Variants in TMEM108 observed in about 807,000 individuals in gnomAD.
TMEM108 encodes the protein transmembrane protein 108.
In TMEM108, 12 loss-of-function variants were observed where a neutral mutation model predicts 35.1. The ratio of observed to expected loss-of-function variants is 0.34; its 90% confidence interval spans 0.22 to 0.55. TMEM108 has a LOEUF of 0.55. TMEM108 is among the 20% of genes least tolerant of loss of function. The probability of loss-of-function intolerance (pLI) is 0.89; values close to 1 mark genes in which losing one functional copy is unlikely to be tolerated. For missense variants in TMEM108, 680 were observed against 753.3 expected (o/e 0.90, Z 1.14); for synonymous variants, 287 against 308.6 (o/e 0.93, Z 0.73).
intron 2 of TMEM108, among the ~76,000 whole-genome samples, chr3:133,060,307 C>T (rs1005548674): frequency 6.6e-6 from 1 of 152,142 alleles, no homozygotes; most frequent in Non-Finnish European, 1.5e-5. Context: ...ATTATCAACC[C>T]AGAGAAGGGA....
intron 2 of TMEM108, among the ~76,000 whole-genome samples, chr3:133,064,163 G>C (rs568840094): frequency 2.0e-5 from 3 of 152,268 alleles, no homozygotes; most frequent in Admixed American, 2.0e-4. Flanking sequence ...TCTGCAGGAA[G>C]GCCATTTAGT....
At chr3:133,223,859 A>C (rs1314249793) in intron 2 of TMEM108, among the ~76,000 whole-genome samples, 1 of 152,242 alleles carries the variant, frequency 6.6e-6, no homozygotes. Flanking sequence ...AAAGAAAAAC[A>C]CTGAAGCTCT....
Position 133,365,304 on chromosome 3 carries a change from C to A in TMEM108, c.41-14448C>A, listed in dbSNP as rs115864889. ...TGGAAAGAGCTAGACAGAATCCCAA[C>A]CCTGCCAGCTTATATGGGAAATAGA... is the stretch of plus-strand genomic sequence containing the variant. On this transcript the variant is annotated intron_variant, in intron 3 of 5. Coordinates refer to ENST00000321871, the MANE Select transcript of TMEM108 (RefSeq NM_023943.4). 2.5e-3 allele frequency among the ~76,000 whole-genome samples: 377 copies of A among 152,240 alleles called. 1 individual carries two copies. Among genetic ancestry groups the A allele is most frequent in the African/African-American group, 8.5e-3 (355 of 41,530 alleles).
chr3:133,278,925 G>A (rs1442467199), intron 3 of TMEM108, among the ~76,000 whole-genome samples: 1 of 152,096 alleles, frequency 6.6e-6, no homozygotes, highest in Non-Finnish European at 1.5e-5. Flanking sequence ...AAATTGTCCG[G>A]AGCATTCATG....
At chr3:133,178,938 A>G (rs1664116364) in intron 2 of TMEM108, among the ~76,000 whole-genome samples, 2 of 152,332 alleles carry the variant, frequency 1.3e-5, no homozygotes, top group South Asian at 4.1e-4. Flanking sequence ...TCCAGAATCT[A>G]CAAAGAACTC....
chr3:133,038,601 C>T lies in TMEM108; in HGVS notation c.-166+166C>T, dbSNP rs751222381. On this transcript the variant is annotated intron_variant, in intron 1 of 5. Transcript: ENST00000321871. ...GTTGCCTTGGTTTCCCTTTTCCTAT[C>T]CTCTCAGGCACCTTCCCATCCTCCC... Among the ~76,000 whole-genome samples the T allele has an allele frequency of 8.4e-4, 128 of 152,178 alleles. 2 individuals are homozygous for T. The highest frequency in any genetic ancestry group is 2.5e-4 in the Non-Finnish European group (17 of 68,032).
chr3:133,328,534 T>TC (rs2071357811), intron 3 of TMEM108, among the ~76,000 whole-genome samples: 1 of 152,204 alleles, frequency 6.6e-6, no homozygotes, highest in African/African-American at 2.4e-5. Context: ...CCAGCCTGGT[T>TC]CAGCAGGGTG....
At chr3:133,147,662 A>G (rs1944741264) in intron 2 of TMEM108, among the ~76,000 whole-genome samples, 1 of 152,196 alleles carries the variant, frequency 6.6e-6, no homozygotes, top group South Asian at 2.1e-4. Flanking sequence ...TGTAAAACGT[A>G]GTCAGTACAA....
At chr3:133,266,086 A>G (rs1218547159) in intron 3 of TMEM108, among the ~76,000 whole-genome samples, 2 of 151,620 alleles carry the variant, frequency 1.3e-5, no homozygotes, top group African/African-American at 4.9e-5. Flanking sequence ...ACTCCAAGAA[A>G]GCTCTTAAAA....
intron 3 of TMEM108, among the ~76,000 whole-genome samples, chr3:133,333,930 T>C (rs2071439749): frequency 6.6e-6 from 1 of 152,218 alleles, no homozygotes; most frequent in Non-Finnish European, 1.5e-5. Flanking sequence ...TAATTGACTC[T>C]GTAAACTTGA....
rs368478715 is a variant in TMEM108, at chr3:133,336,458, C to T, written c.41-43294C>T. 2.2e-4 allele frequency among the ~76,000 whole-genome samples: 33 copies of T among 152,112 alleles called. No individual in the cohort carries two copies. The South Asian group carries it at 6.2e-3, about 29-fold the overall frequency. ...GGCCCTCTTTCCAGTCCCTAGCTCC[C>T]AGTTGGCATTGCTAGACACCCTGGG... On this transcript the variant is annotated intron_variant, in intron 3 of 5. Coordinates refer to ENST00000321871, the MANE Select transcript of TMEM108 (RefSeq NM_023943.4).
chr3:133,262,368 C>T (rs1179836235), intron 3 of TMEM108, among the ~76,000 whole-genome samples: 5 of 152,186 alleles, frequency 3.3e-5, no homozygotes, highest in Non-Finnish European at 7.3e-5. Flanking sequence ...ATAGGACATG[C>T]ACAAGTTTTG....
chr3:133,068,013 G>T (rs1334792934), intron 2 of TMEM108, among the ~76,000 whole-genome samples: 7 of 151,788 alleles, frequency 4.6e-5, no homozygotes, highest in Admixed American at 1.3e-4. Flanking sequence ...GGGAAATCAG[G>T]CTAAACTCAT....
intron 2 of TMEM108, among the ~76,000 whole-genome samples, chr3:133,171,558 G>A (rs1945131243): frequency 6.6e-6 from 1 of 152,158 alleles, no homozygotes; most frequent in Admixed American, 6.5e-5. Flanking sequence ...TTTTTGTAAA[G>A]ATGAAACAGG....
At chr3:133,138,225 G>T (rs1221917140) in intron 2 of TMEM108, among the ~76,000 whole-genome samples, 1 of 152,108 alleles carries the variant, frequency 6.6e-6, no homozygotes, top group Admixed American at 6.6e-5. Context: ...AAAGTGGGAG[G>T]ATTGGTTACA....
chr3:133,154,451 T>G (rs2107771236), intron 2 of TMEM108, among the ~76,000 whole-genome samples: 1 of 152,258 alleles, frequency 6.6e-6, no homozygotes, highest in East Asian at 1.9e-4. Flanking sequence ...TAATCCATCT[T>G]GAATTAACCC....
intron 2 of TMEM108, among the ~76,000 whole-genome samples, chr3:133,153,456 T>C (rs1364263952): frequency 1.3e-5 from 2 of 152,228 alleles, no homozygotes; most frequent in Non-Finnish European, 2.9e-5. Flanking sequence ...ATAAGTACTG[T>C]TATTATCCCA....
chr3:133,200,072 C>T (rs1349150520), intron 2 of TMEM108, among the ~76,000 whole-genome samples: 3 of 152,176 alleles, frequency 2.0e-5, no homozygotes, highest in Non-Finnish European at 2.9e-5. Flanking sequence ...AAGCCAGGCA[C>T]GGGATATAAT....
intron 3 of TMEM108, among the ~76,000 whole-genome samples, chr3:133,282,563 G>C (rs1266337145): frequency 2.0e-5 from 3 of 152,168 alleles, no homozygotes; most frequent in Non-Finnish European, 4.4e-5. Context: ...TTAATTCATG[G>C]ATGTTTAATT....
Sources: allele counts gnomAD v4.1 joint callset (sites outside exome capture counted in the v4.1 genomes callset), GRCh38; gene constraint gnomAD v4.1.1; transcripts MANE v1.5; gene names NCBI Gene and HGNC (gene_info 2026-07-23, HGNC 2026-07-21).